Variants in ZFP3 observed in about 807,000 individuals in gnomAD.
ZFP3 encodes ZFP3 zinc finger protein, also known as zinc finger protein 3 homolog.
In ZFP3, 18 loss-of-function variants were observed where a neutral mutation model predicts 36.7. That is an observed-to-expected ratio of 0.49 (90% confidence interval 0.34 to 0.73). ZFP3 has a LOEUF of 0.73. ZFP3 is among the 30% of genes least tolerant of loss of function. The pLI is 0.01. For synonymous variants in ZFP3, 218 were observed against 199.0 expected (o/e 1.10, Z -0.81); for missense variants, 495 against 599.0 (o/e 0.83, Z 1.81).
At chr17:5,086,169 C>T (rs1465978121) in intron 1 of ZFP3, among the ~76,000 whole-genome samples, 2 of 152,154 alleles carry the variant, frequency 1.3e-5, no homozygotes, top group Non-Finnish European at 2.9e-5. Context: ...AGTTCCACCT[C>T]ATTTTCAGGT....
At chr17:5,085,877 A>T (rs1340625054) in intron 1 of ZFP3, among the ~76,000 whole-genome samples, 1 of 152,202 alleles carries the variant, frequency 6.6e-6, no homozygotes, top group Non-Finnish European at 1.5e-5. Context: ...AAGGCCAGAG[A>T]GGGGGTTGGA....
chr17:5,081,235 A>T (rs1010880854), intron 1 of ZFP3, among the ~76,000 whole-genome samples: 2 of 151,952 alleles, frequency 1.3e-5, no homozygotes, highest in African/African-American at 4.8e-5. Context: ...CTGGGACTAC[A>T]GGTGCCTTCC....
At chr17:5,084,800 C>T (rs959547193) in intron 1 of ZFP3, among the ~76,000 whole-genome samples, 5 of 152,052 alleles carry the variant, frequency 3.3e-5, no homozygotes, top group African/African-American at 9.7e-5. Flanking sequence ...AAGTGAGAAA[C>T]GGAAAGATAG....
Position 5,092,499 on chromosome 17 carries a change from CA to C in ZFP3, c.996del (p.Asp334ThrfsTer213). The C allele has an allele frequency of 6.2e-7, 1 of 1,614,156 alleles. No individual in the cohort carries two copies. The highest frequency in any genetic ancestry group is 8.5e-7 in the Non-Finnish European group (1 of 1,180,030). ...SELIRHQRIH[T>X]GDKPYECNEC... The stretch of plus-strand genomic sequence containing the variant: ...CTTATCCGGCATCAGAGAATTCATA[CA>C]GGGGACAAACCCTATGAATGTAATG... On this transcript the variant is annotated frameshift_variant, in exon 2 of 2. Transcript: ENST00000318833. LOFTEE classifies it high-confidence loss of function. This position sits in a 1 kb window ranked among gnomAD's most constrained non-coding sequence, Gnocchi z 5.0.
In ZFP3 at chr17:5,092,695, G is replaced by A; in HGVS notation, c.1191G>A (p.Glu397=). The change falls in exon 2 of 2, where the codon GAG becomes GAA. Residue 397 remains glutamate, a synonymous_variant. Coordinates refer to ENST00000318833, the MANE Select transcript of ZFP3 (RefSeq NM_153018.3). This position sits in a 1 kb window ranked among gnomAD's most constrained non-coding sequence, Gnocchi z 5.0. ...HTGEKPYECF[E]CGKAFRRTSH... ...GAGAGAAACCCTATGAATGCTTTGA[G>A]TGTGGAAAGGCTTTCAGGCGGACCT... 6.2e-7 allele frequency: 1 copy of A among 1,613,726 alleles called. No individual in the cohort carries two copies. Among genetic ancestry groups the A allele is most frequent in the Non-Finnish European group, 8.5e-7 (1 of 1,179,926 alleles).
intron 1 of ZFP3, among the ~76,000 whole-genome samples, chr17:5,080,108 C>T (rs542811249): frequency 6.6e-6 from 1 of 152,240 alleles, no homozygotes; most frequent in South Asian, 2.1e-4. Context: ...GCAGCATCTC[C>T]CTTGTTTTTC....
In ZFP3 at chr17:5,091,642, G is replaced by A. The variant is rs372607714; in HGVS notation, c.138G>A (p.Met46Ile). Residue 46 changes from methionine to isoleucine, a missense_variant, in exon 2 of 2, where the codon ATG becomes ATA. Coordinates refer to ENST00000318833, the MANE Select transcript of ZFP3 (RefSeq NM_153018.3). ...HEFGAGCEEDMLEGHSRESME... is the reference protein window; with the variant it reads ...HEFGAGCEEDILEGHSRESME... ...TTGGAGCAGGATGTGAAGAAGACATGTTGGAGGGACATTCGAGAGAGTCCA... is the reference window on the plus strand; with the variant it reads ...TTGGAGCAGGATGTGAAGAAGACATATTGGAGGGACATTCGAGAGAGTCCA... 6.2e-7 allele frequency: 1 copy of A among 1,614,226 alleles called. No homozygotes were observed. The highest frequency in any genetic ancestry group is 1.3e-5 in the African/African-American group (1 of 75,058).
chr17:5,092,981 C>T lies in ZFP3; in HGVS notation c.1477C>T (p.Leu493Phe). ...GACTTTTAGTCGGAGCTCTCACCTCCTCCGACATCAAAGTGTTCACTGTAT... is the reference window on the plus strand; with the variant it reads ...GACTTTTAGTCGGAGCTCTCACCTCTTCCGACATCAAAGTGTTCACTGTAT... ...QKTFSRSSHL[L>F]RHQSVHCME is the part of the protein sequence containing the mutation. The change falls in exon 2 of 2, where the codon CTC becomes TTC. Residue 493 changes from leucine to phenylalanine, a missense_variant. Leu to Phe is a conservative substitution (Grantham distance 22). Coordinates refer to ENST00000318833, the MANE Select transcript of ZFP3 (RefSeq NM_153018.3). The surrounding 1 kb of genome is among the most constrained non-coding windows in gnomAD (Gnocchi z 5.0). 1.2e-6 allele frequency: 2 copies of T among 1,607,684 alleles called. No homozygotes were observed. The highest frequency in any genetic ancestry group is 1.7e-6 in the Non-Finnish European group (2 of 1,177,082).
intron 1 of ZFP3, among the ~76,000 whole-genome samples, chr17:5,087,266 TG>T (rs2072126641): frequency 6.6e-6 from 1 of 151,634 alleles, no homozygotes; most frequent in African/African-American, 2.4e-5. Flanking sequence ...TTTGTAGAGA[TG>T]GGGTCTTGCT....
At chr17:5,085,143 G>A (rs976085874) in intron 1 of ZFP3, among the ~76,000 whole-genome samples, 4 of 151,702 alleles carry the variant, frequency 2.6e-5, no homozygotes, top group Non-Finnish European at 5.9e-5. Context: ...GGGCTCAAGC[G>A]ATTCTCCTGC....
chr17:5,085,622 C>T (rs2072117130), intron 1 of ZFP3, among the ~76,000 whole-genome samples: 1 of 152,146 alleles, frequency 6.6e-6, no homozygotes, highest in Non-Finnish European at 1.5e-5. Context: ...CCCACCTCGG[C>T]CTTCCAAAGT....
chr17:5,086,310 TAA>T (rs1439046402), intron 1 of ZFP3, among the ~76,000 whole-genome samples: 3 of 152,118 alleles, frequency 2.0e-5, no homozygotes, highest in African/African-American at 4.8e-5. Context: ...ATGGTGTTAG[TAA>T]CCAACATCCT....
At position 5,092,753 on chromosome 17, in the gene ZFP3, G is replaced by A. The variant is rs1347272745; in HGVS notation, c.1249G>A (p.Gly417Arg). Residue 417 changes from glycine to arginine, a missense_variant, in exon 2 of 2, where the codon GGA becomes AGA. Physicochemically the swap from Gly to Arg is moderately radical, Grantham distance 125 (BLOSUM62 -2). This residue lies in a region of ZFP3 where 163 missense variants were observed against 178.4 expected (regional missense o/e 0.91). Coordinates refer to ENST00000318833, the MANE Select transcript of ZFP3 (RefSeq NM_153018.3). This position sits in a 1 kb window ranked among gnomAD's most constrained non-coding sequence, Gnocchi z 5.0. ...HLIVHQRIHT[G>R]EKPHQCNECA... ...TATTGTCCACCAGAGAATTCATACT[G>A]GAGAGAAACCCCATCAATGTAATGA... 6.2e-7 allele frequency: 1 copy of A among 1,614,124 alleles called. No homozygotes were observed. Among genetic ancestry groups the A allele is most frequent in the South Asian group, 1.1e-5 (1 of 91,080 alleles).
At position 5,093,334 on chromosome 17, in the gene ZFP3, A is replaced by G. The variant is rs1045831952; in HGVS notation, c.*321A>G. The G allele has an allele frequency of 1.2e-5, 3 of 257,768 alleles. No homozygotes were observed. The highest frequency in any genetic ancestry group is 9.9e-5 in the Admixed American group (2 of 20,176). The allele number at this position is 257,768 out of a possible 1,614,324, so 16.0% of individuals were successfully genotyped here. A position where few individuals can be genotyped will look rare whatever the true frequency, so the allele number is the denominator to read the frequency against. Reference sequence around the variant, plus strand: ...CTAGGACTGCAGGCACTAATGAGGCACTTTTATGAATTATTCATTGAGAGG... The same window carrying G: ...CTAGGACTGCAGGCACTAATGAGGCGCTTTTATGAATTATTCATTGAGAGG... On this transcript the variant is annotated 3_prime_UTR_variant, in exon 2 of 2. Transcript: ENST00000318833.
In ZFP3 at chr17:5,092,240, A is replaced by G; in HGVS notation, c.736A>G (p.Ile246Val). Residue 246 changes from isoleucine (I) to valine (V), a missense_variant, in exon 2 of 2, where the codon ATC becomes GTC. Around this residue, in one of 3 missense-constraint regions of ZFP3, gnomAD observed 103 missense variants for 186.8 expected, o/e 0.55. Coordinates refer to ENST00000318833, the MANE Select transcript of ZFP3 (RefSeq NM_153018.3). The surrounding 1 kb of genome is among the most constrained non-coding windows in gnomAD (Gnocchi z 5.0). ...QNSALILHQR[I>V]HTGEKPYECN... ...TTCAGCCCTTATTCTACACCAGAGA[A>G]TCCATACTGGAGAGAAACCATATGA... is the stretch of plus-strand genomic sequence containing the variant. 7 of 1,614,196 alleles carry G rather than the reference A, an allele frequency of 4.3e-6. No homozygotes were observed. The highest frequency in any genetic ancestry group is 5.9e-6 in the Non-Finnish European group (7 of 1,180,040).
chr17:5,080,293 C>T (rs2072086867), intron 1 of ZFP3, among the ~76,000 whole-genome samples: 1 of 152,182 alleles, frequency 6.6e-6, no homozygotes. Flanking sequence ...ATGTCCATTT[C>T]CAAACCAGGA....
Position 5,092,351 on chromosome 17 carries a change from T to G in ZFP3, c.847T>G (p.Cys283Gly), listed in dbSNP as rs1361854316. ...TCATACTGAAGAAAGATACCATGAATGCAATGAGTGTGGCAAAGCCTTCAA... is the reference window on the plus strand; with the variant it reads ...TCATACTGAAGAAAGATACCATGAAGGCAATGAGTGTGGCAAAGCCTTCAA... Reference protein sequence around the residue: ...RIHTEERYHECNECGKAFKHS... With the variant: ...RIHTEERYHEGNECGKAFKHS... Residue 283 changes from cysteine (C) to glycine (G), a missense_variant, in exon 2 of 2, where the codon TGC becomes GGC. By Grantham distance (159) the Cys-to-Gly change is radical (BLOSUM62 -3). Around this residue, in one of 3 missense-constraint regions of ZFP3, gnomAD observed 103 missense variants for 186.8 expected, o/e 0.55. Transcript: ENST00000318833. The surrounding 1 kb of genome is among the most constrained non-coding windows in gnomAD (Gnocchi z 5.0). 3 of 1,614,178 alleles carry G rather than the reference T, an allele frequency of 1.9e-6. No individual in the cohort carries two copies. In the South Asian group the frequency reaches 3.3e-5, roughly 18 times the overall value.
chr17:5,091,894 AAC>A lies in ZFP3; in HGVS notation c.394_395del (p.Gln132GlufsTer12), dbSNP rs2072151959. The stretch of plus-strand genomic sequence containing the variant: ...TCCTAGAGATTTTAGAATCTAACAA[AAC>A]ACAGAGAAGTTCTGTGGGAGAAAAG... Reference protein sequence around the residue: ...NFLEILESNKTQRSSVGEKPH... With the variant: ...NFLEILESNKXQRSSVGEKPH... On this transcript the variant is annotated frameshift_variant, in exon 2 of 2. Transcript: ENST00000318833. LOFTEE classifies it high-confidence loss of function. The A allele has an allele frequency of 6.2e-7, 1 of 1,614,236 alleles. No homozygotes were observed. The highest frequency in any genetic ancestry group is 8.5e-7 in the Non-Finnish European group (1 of 1,180,044).
At chr17:5,084,538 G>A (rs868476597) in intron 1 of ZFP3, among the ~76,000 whole-genome samples, 3 of 151,522 alleles carry the variant, frequency 2.0e-5, no homozygotes, top group South Asian at 2.1e-4. Flanking sequence ...GCCTCCCAAA[G>A]TGCTGGGATT....
Sources: allele counts gnomAD v4.1 joint callset (sites outside exome capture counted in the v4.1 genomes callset), GRCh38; gene constraint gnomAD v4.1.1; regional missense constraint gnomAD v4.1.1; non-coding constraint Gnocchi (gnomAD v3.1); transcripts MANE v1.5; gene names NCBI Gene and HGNC (gene_info 2026-07-23, HGNC 2026-07-21).